FNBP1: variants seen among roughly 807,000 people sequenced by gnomAD.
The protein encoded by FNBP1 is formin-binding protein 1.
Under a neutral mutation model 90.6 loss-of-function variants are expected in FNBP1, and 26 were observed. The ratio of observed to expected loss-of-function variants is 0.29; its 90% confidence interval spans 0.21 to 0.40. The LOEUF (loss-of-function observed/expected upper bound fraction) is 0.40. FNBP1 is among the 10% of genes least tolerant of loss of function. The pLI, the probability that FNBP1 is intolerant of heterozygous loss-of-function variation, is 1.00. For missense variants in FNBP1, 635 were observed against 768.0 expected (o/e 0.83, Z 2.05); for synonymous variants, 260 against 265.2 (o/e 0.98, Z 0.19).
At chr9:129,891,693 C>T (rs139174762) in intron 16 of FNBP1, among the ~76,000 whole-genome samples, 78 of 152,198 alleles carry the variant, frequency 5.1e-4, no homozygotes, top group South Asian at 1.7e-3. Flanking sequence ...TTCTCAGGCC[C>T]TGAGTGCACG....
intron 1 of FNBP1, among the ~76,000 whole-genome samples, chr9:129,996,351 G>A (rs1011583558): frequency 2.0e-5 from 3 of 152,084 alleles, no homozygotes; most frequent in Admixed American, 6.6e-5. Flanking sequence ...GGACTAAGGG[G>A]GCGAGCCAGA....
At chr9:129,940,155 T>G (rs2132302870) in intron 6 of FNBP1, among the ~76,000 whole-genome samples, 1 of 152,274 alleles carries the variant, frequency 6.6e-6, no homozygotes, top group Non-Finnish European at 1.5e-5. Context: ...GAGCTATGAT[T>G]GTCCCACTGT....
intron 4 of FNBP1, among the ~76,000 whole-genome samples, chr9:129,965,468 C>T (rs1286469076): frequency 6.6e-6 from 1 of 152,174 alleles, no homozygotes; most frequent in Non-Finnish European, 1.5e-5. Flanking sequence ...GGCTACTCCT[C>T]TGCTCACTGT....
chr9:129,999,736 CA>C (rs2054556130), intron 1 of FNBP1, among the ~76,000 whole-genome samples: 1 of 152,052 alleles, frequency 6.6e-6, no homozygotes, highest in Non-Finnish European at 1.5e-5. Context: ...AACCCATTAC[CA>C]TTACATGTTA....
At chr9:129,932,888 C>CCCCGAG (rs2042967108) in intron 6 of FNBP1, among the ~76,000 whole-genome samples, 1 of 152,152 alleles carries the variant, frequency 6.6e-6, no homozygotes, top group East Asian at 1.9e-4. Flanking sequence ...TCCATCTGTT[C>CCCCGAG]CCCGAGCCCG....
chr9:129,920,173 A>G (rs1008350513), intron 10 of FNBP1, among the ~76,000 whole-genome samples: 2 of 152,216 alleles, frequency 1.3e-5, no homozygotes, highest in Admixed American at 1.3e-4. Context: ...AATTTTTTTT[A>G]ACAAAGATTT....
At chr9:129,983,838 C>CACA (rs920966792) in intron 2 of FNBP1, among the ~76,000 whole-genome samples, 2 of 151,780 alleles carry the variant, frequency 1.3e-5, no homozygotes, top group Non-Finnish European at 1.5e-5. Context: ...TAAAAAAACC[C>CACA]ACAACAACAA....
the FNBP1 span, chr9:130,053,863 T>C: frequency 6.1e-6 from 9 of 1,472,404 alleles, no homozygotes; most frequent in Non-Finnish European, 8.3e-6. Context: ...CCCCGGGCCC[T>C]TCCGGCGGCT....
chr9:129,993,864 A>G (rs1168315390), intron 2 of FNBP1, among the ~76,000 whole-genome samples: 1 of 151,860 alleles, frequency 6.6e-6, no homozygotes, highest in African/African-American at 2.4e-5. Context: ...ACCTCAGGCA[A>G]TCCGCCCACC....
chr9:130,051,374 A>G, the FNBP1 span, among the ~76,000 whole-genome samples: 1 of 152,218 alleles, frequency 6.6e-6, no homozygotes, highest in Admixed American at 6.5e-5. Context: ...TGGCAATTAT[A>G]CTTTCTTAAA....
In FNBP1 at chr9:129,889,938, C is replaced by T. The variant is rs1352400190; in HGVS notation, c.*601G>A. 8.4e-6 allele frequency: 2 copies of T among 236,970 alleles called. No individual in the cohort carries two copies. Among genetic ancestry groups the T allele is most frequent in the East Asian group, 1.2e-4 (2 of 16,656 alleles). The allele number at this position is 236,970 out of a possible 1,614,324, so 14.7% of individuals were successfully genotyped here. A position where few individuals can be genotyped will look rare whatever the true frequency, so the allele number is the denominator to read the frequency against. On this transcript the variant is annotated 3_prime_UTR_variant, in exon 17 of 17. Coordinates refer to ENST00000446176, the MANE Select transcript of FNBP1 (RefSeq NM_015033.3). The stretch of plus-strand genomic sequence containing the variant: ...CCTGCCCCCCTGCCTGCCAGATGCT[C>T]CCAGGTTGAGGGCATAGTGAAAGGG...
At chr9:130,047,447 T>C (rs2060066883), upstream of FNBP1, among the ~76,000 whole-genome samples, 1 of 152,092 alleles carries the variant, frequency 6.6e-6, no homozygotes, top group Admixed American at 6.6e-5. Context: ...ACTCTGTCTC[T>C]ACTAAAAATA....
rs980017827 is a variant in FNBP1 at position 129,889,781 on chromosome 9, G to A, written c.*758C>T. The A allele has an allele frequency of 4.3e-5, 10 of 232,294 alleles. No homozygotes were observed. The highest frequency in any genetic ancestry group is 8.8e-5 in the African/African-American group (4 of 45,252). 14.4% of individuals were successfully genotyped at this position (232,294 alleles called of 1,614,324 possible). A position where few individuals can be genotyped will look rare whatever the true frequency, so the allele number is the denominator to read the frequency against. ...CTCCTCATGGCCGGTGGACACAGGCGAGTCAACAAGGCGAGCTGGAATTCG... is the reference window on the plus strand; with the variant it reads ...CTCCTCATGGCCGGTGGACACAGGCAAGTCAACAAGGCGAGCTGGAATTCG... On this transcript the variant is annotated 3_prime_UTR_variant, in exon 17 of 17. Coordinates refer to ENST00000446176, the MANE Select transcript of FNBP1 (RefSeq NM_015033.3).
chr9:129,929,630 A>G lies in FNBP1; in HGVS notation c.579T>C (p.Ile193=). The part of the protein sequence containing the change: ...AEDSKADYSS[I]LQKFNHEQHE... ...GCTGCTCATGGTTGAATTTCTGGAG[A>G]ATGGATGAGTAATCTGCTTTGCTGT... The change falls in exon 7 of 17, where the codon ATT becomes ATC. Residue 193 remains isoleucine (I), a synonymous_variant. Transcript: ENST00000446176. 6.2e-7 allele frequency: 1 copy of G among 1,613,802 alleles called. No individual in the cohort carries two copies. The highest frequency in any genetic ancestry group is 8.5e-7 in the Non-Finnish European group (1 of 1,179,774).
At chr9:130,033,040 T>C (rs1161169486) in intron 1 of FNBP1, among the ~76,000 whole-genome samples, 4 of 152,174 alleles carry the variant, frequency 2.6e-5, no homozygotes, top group Admixed American at 6.5e-5. Context: ...AGCTCATTTT[T>C]CATGAATCCT....
intron 12 of FNBP1, among the ~76,000 whole-genome samples, chr9:129,908,442 C>T (rs1259391980): frequency 1.3e-5 from 2 of 148,714 alleles, no homozygotes; most frequent in South Asian, 2.1e-4. Flanking sequence ...CGGACTCAAG[C>T]GATCTTCCTG....
chr9:129,996,596 G>C (rs1228272848), intron 1 of FNBP1, among the ~76,000 whole-genome samples: 1 of 152,178 alleles, frequency 6.6e-6, no homozygotes, highest in Non-Finnish European at 1.5e-5. Flanking sequence ...TGCGAAATGG[G>C]GAAGTGCCAA....
rs562425026 is a variant in FNBP1 at position 129,957,281 on chromosome 9, G to C, written c.513+79C>G. 2.0e-6 allele frequency: 2 copies of C among 991,386 alleles called. No homozygotes were observed. Among genetic ancestry groups the C allele is most frequent in the African/African-American group, 3.2e-5 (2 of 62,702 alleles). The allele number at this position is 991,386 out of a possible 1,614,324, so 61.4% of individuals were successfully genotyped here. ...TCGAACTCCTGGCCTCAGGTGATCC[G>C]CTCACCTCAGCCTCCCAAAGTGCTG... On this transcript the variant is annotated intron_variant, in intron 6 of 16. Coordinates refer to ENST00000446176, the MANE Select transcript of FNBP1 (RefSeq NM_015033.3). The surrounding 1 kb of genome is among the most constrained non-coding windows in gnomAD (Gnocchi z 4.3).
chr9:129,893,440 T>TAA (rs34814750), intron 16 of FNBP1, among the ~76,000 whole-genome samples: 33 of 128,726 alleles, frequency 2.6e-4, no homozygotes, highest in Non-Finnish European at 4.2e-4. Context: ...CTGTCTTTAC[T>TAA]AAAAAAAAAA....
Sources: gnomAD v4.1 joint callset for allele counts (sites outside exome capture counted in the v4.1 genomes callset) on GRCh38, gnomAD v4.1.1 for gene constraint, Gnocchi (gnomAD v3.1) non-coding constraint, MANE v1.5 for transcripts, NCBI Gene and HGNC (gene_info 2026-07-23, HGNC 2026-07-21) for gene names.